Variants in TGM7 observed in about 807,000 individuals in gnomAD.
TGM7 encodes protein-glutamine gamma-glutamyltransferase Z.
TGM7 carries 74 observed loss-of-function variants against 79.5 expected under a neutral mutation model. That is an observed-to-expected ratio of 0.93 (90% CI 0.77 to 1.13). TGM7 has a LOEUF of 1.13. TGM7 is among the 50% of genes most tolerant of loss of function. TGM7 has a pLI of 0.00. For synonymous variants in TGM7, 354 were observed against 362.5 expected (o/e 0.98, Z 0.27); for missense variants, 912 against 905.9 (o/e 1.01, Z -0.09).
chr15:43,282,610 C>T lies in TGM7; in HGVS notation c.1015G>A (p.Val339Ile), dbSNP rs747483213. 4.4e-6 allele frequency: 7 copies of T among 1,594,866 alleles called. No homozygotes were observed. The highest frequency in any genetic ancestry group is 2.3e-5 in the South Asian group (2 of 88,078). ...QKRDKIWNFH[V>I]WNECWMIRKD... ...CGGATCATCCAGCACTCATTCCAGA[C>T]GTGGAAGTTCCTGCAGGAGGGAGTA... The change falls in exon 8 of 13, where the codon GTC becomes ATC. Residue 339 changes from valine (V) to isoleucine (I), a missense_variant. By Grantham distance (29) the Val-to-Ile change is conservative (BLOSUM62 3). Transcript: ENST00000452443.
At chr15:43,295,001 A>G (rs1472097085) in intron 1 of TGM7, among the ~76,000 whole-genome samples, 1 of 152,014 alleles carries the variant, frequency 6.6e-6, no homozygotes, top group Non-Finnish European at 1.5e-5. Context: ...TTCTGGGCTC[A>G]AGTGATCCTC....
chr15:43,287,188 C>T (rs1043384963), intron 6 of TGM7, 92 bp downstream of exon 6: 2 of 1,453,724 alleles, frequency 1.4e-6, no homozygotes, highest in South Asian at 2.7e-5. Context: ...AGCTGTGGGG[C>T]CATGGGCAAG....
intron 8 of TGM7, among the ~76,000 whole-genome samples, chr15:43,282,295 G>A (rs184780988): frequency 2.6e-5 from 4 of 152,314 alleles, no homozygotes; most frequent in African/African-American, 9.6e-5. Context: ...CCACTTTACA[G>A]GTAAGGACAC....
At chr15:43,296,196 C>T (rs756239855) in intron 1 of TGM7, among the ~76,000 whole-genome samples, 5 of 152,206 alleles carry the variant, frequency 3.3e-5, no homozygotes, top group African/African-American at 4.8e-5. Flanking sequence ...GAGGCCAAGG[C>T]GGGCAGATCA....
intron 2 of TGM7, 69 bp downstream of exon 2, chr15:43,293,380 C>T: frequency 2.0e-6 from 3 of 1,508,692 alleles, no homozygotes; most frequent in Non-Finnish European, 2.7e-6. Context: ...GCAGGGGCCC[C>T]GCAGGCAGAC....
At chr15:43,293,324 T>C (rs2042973218) in intron 2 of TGM7, 125 bp downstream of exon 2, 2 of 1,275,802 alleles carry the variant, frequency 1.6e-6, no homozygotes, top group East Asian at 4.7e-5. Context: ...ATGAGGGGTC[T>C]GGGGCTCCCA....
chr15:43,286,922 A>G (rs550185561), intron 6 of TGM7, among the ~76,000 whole-genome samples: 26 of 152,310 alleles, frequency 1.7e-4, no homozygotes, highest in Admixed American at 3.9e-4. Context: ...ATCTCACGCC[A>G]TCTACTTCCA....
In TGM7 at chr15:43,283,362, TCA is replaced by T. The variant is rs376074270; in HGVS notation, c.1005-744_1005-743del. Among the ~76,000 whole-genome samples, 138 of 152,354 alleles carry T rather than the reference TCA, an allele frequency of 9.1e-4. 3 individuals carry two copies. In the East Asian group the frequency reaches 0.018, roughly 19 times the overall value. On this transcript the variant is annotated intron_variant, in intron 7 of 12. Transcript: ENST00000452443. ...ATGTGGTACGCGATGCCGTCTGTGA[TCA>T]CACACTGCATTCAGCTACGCAGAAT...
rs1195692114 is a variant in TGM7, at chr15:43,292,822, G to T, written c.326C>A (p.Ala109Asp). The T allele has an allele frequency of 7.4e-6, 12 of 1,614,134 alleles. No homozygotes were observed. Among genetic ancestry groups the T allele is most frequent in the Non-Finnish European group, 1.0e-5 (12 of 1,180,040 alleles). ...AGTGTAATGGCCAATAACTGCATTG[G>T]CTGGTGTGAAAAGGGAAACTTGGAG... ...NSLQVSLFTP[A>D]NAVIGHYTLK... Residue 109 changes from alanine to aspartate, a missense_variant, in exon 3 of 13, where the codon GCC (alanine) becomes GAC (aspartate). Transcript: ENST00000452443.
At chr15:43,284,754 G>A (rs2042926226) in intron 7 of TGM7, 60 bp downstream of exon 7, 4 of 1,584,302 alleles carry the variant, frequency 2.5e-6, no homozygotes, top group Non-Finnish European at 3.5e-6. Flanking sequence ...AGAGAACCAG[G>A]TCAGTTTTTC....
chr15:43,285,395 G>A (rs564107786), intron 6 of TGM7, among the ~76,000 whole-genome samples: 2 of 152,324 alleles, frequency 1.3e-5, no homozygotes, highest in East Asian at 1.9e-4. Flanking sequence ...AATTAGCTGG[G>A]TGTGGTGGTG....
rs781670814 is a variant in TGM7, at chr15:43,276,643, C to T, written c.1974-29G>A. The T allele has an allele frequency of 1.9e-6, 3 of 1,600,736 alleles. No homozygotes were observed. In the East Asian group the frequency reaches 6.7e-5, roughly 36 times the overall value. On this transcript the variant is annotated intron_variant, in intron 12 of 12. Coordinates refer to ENST00000452443, the MANE Select transcript of TGM7 (RefSeq NM_052955.3). ...AAAGTCAGAAACAGCCTGTGAGAGCCTCGAGGACTTCCTGCTGGCGGCAGG... is the reference window on the plus strand; with the variant it reads ...AAAGTCAGAAACAGCCTGTGAGAGCTTCGAGGACTTCCTGCTGGCGGCAGG...
chr15:43,288,519 A>G (rs1408595472), intron 4 of TGM7, among the ~76,000 whole-genome samples: 2 of 151,884 alleles, frequency 1.3e-5, no homozygotes, highest in East Asian at 3.9e-4. Context: ...CGTTACAATC[A>G]TGTATTCTGA....
intron 1 of TGM7, among the ~76,000 whole-genome samples, chr15:43,301,550 A>G (rs965699715): frequency 6.6e-6 from 1 of 151,330 alleles, no homozygotes; most frequent in African/African-American, 2.4e-5. Flanking sequence ...GAATCCCTTG[A>G]ACTCAGGAGG....
chr15:43,301,594 C>T (rs1272721229), intron 1 of TGM7, among the ~76,000 whole-genome samples: 2 of 149,226 alleles, frequency 1.3e-5, no homozygotes, highest in Admixed American at 6.7e-5. Flanking sequence ...CGCGCCATTG[C>T]ACTCCAGCCT....
In TGM7 at chr15:43,281,877, G is replaced by T. The variant is rs747008584; in HGVS notation, c.1318C>A (p.Gln440Lys). 2.4e-5 allele frequency: 39 copies of T among 1,614,090 alleles called. No homozygotes were observed. In the Admixed American group the frequency reaches 5.2e-4, roughly 21 times the overall value. Residue 440 changes from glutamine (Q) to lysine (K), a missense_variant, in exon 9 of 13, where the codon CAG (glutamine) becomes AAG (lysine). Physicochemically the swap from Gln to Lys is moderately conservative, Grantham distance 53. Transcript: ENST00000452443. ...STKMVGSDQR[Q>K]SITSSYKYPE... ...TACTTGTAGGAGCTGGTGATGCTCT[G>T]GCGCTGGTCTGACCCCACCATCTTA... is the stretch of plus-strand genomic sequence containing the variant.
At chr15:43,281,505 T>A (rs1413805879) in intron 9 of TGM7, among the ~76,000 whole-genome samples, 1 of 152,184 alleles carries the variant, frequency 6.6e-6, no homozygotes, top group African/African-American at 2.4e-5. Context: ...TGGAACATAC[T>A]TATATATTAA....
chr15:43,282,652 T>C (rs2142405452), intron 7 of TGM7, 32 bp from the exon 8 acceptor site: 2 of 1,550,348 alleles, frequency 1.3e-6, no homozygotes, highest in African/African-American at 1.4e-5. Flanking sequence ...CAAGGATTCA[T>C]GTTAGCTGAG....
rs567160162 is a variant in TGM7, at chr15:43,295,326, C to G, written c.11-1695G>C. 7.2e-5 allele frequency among the ~76,000 whole-genome samples: 11 copies of G among 152,362 alleles called. No homozygotes were observed. The East Asian group carries it at 2.1e-3, about 29-fold the overall frequency. On this transcript the variant is annotated intron_variant, in intron 1 of 12. Transcript: ENST00000452443. ...CTCTTTGGGGCTGGGCACCATGGCT[C>G]ACGCCTGTAATCCCAGCACTTTGGG...
Sources: gnomAD v4.1 joint callset for allele counts (sites outside exome capture counted in the v4.1 genomes callset) on GRCh38, gnomAD v4.1.1 for gene constraint, MANE v1.5 for transcripts, NCBI Gene and HGNC (gene_info 2026-07-23, HGNC 2026-07-21) for gene names.